Variants in UFD1 observed in about 807,000 individuals in gnomAD.
UFD1 encodes ubiquitin recognition factor in ER associated degradation 1, also known as ubiquitin recognition factor in ER-associated degradation protein 1.
UFD1 carries 13 observed loss-of-function variants against 45.9 expected under a neutral mutation model. The ratio of observed to expected loss-of-function variants is 0.28; its 90% CI spans 0.18 to 0.45. UFD1 has a LOEUF of 0.45. UFD1 is among the 20% of genes least tolerant of loss of function. The probability of loss-of-function intolerance (pLI) is 1.00; values close to 1 mark genes in which losing one functional copy is unlikely to be tolerated. For missense variants in UFD1, 218 were observed against 389.2 expected, an observed-to-expected ratio of 0.56 and a Z score of 3.70; for synonymous variants, 128 against 139.2, an observed-to-expected ratio of 0.92 and a Z score of 0.56.
chr22:19,458,113 G>C lies in UFD1; in HGVS notation c.522C>G (p.Thr174=). 1.9e-6 allele frequency: 3 copies of C among 1,614,090 alleles called. No individual in the cohort carries two copies. Among genetic ancestry groups the C allele is most frequent in the Non-Finnish European group, 2.5e-6 (3 of 1,179,982 alleles). ...TGATGGACACTGCCTTGTCGGGTTT[G>C]GTCTCCATCACACGCAGTTCGTAGA... is the stretch of plus-strand genomic sequence containing the variant. ...EKIYELRVME[T]KPDKAVSIIE... is the part of the protein sequence containing the mutation. Residue 174 remains threonine, a synonymous_variant, in exon 7 of 12, where the codon ACC becomes ACG. Transcript: ENST00000263202.
intron 2 of UFD1, 66 bp from the exon 3 acceptor site, chr22:19,475,166 G>T: frequency 6.7e-7 from 1 of 1,500,412 alleles, no homozygotes; most frequent in Non-Finnish European, 9.0e-7. Flanking sequence ...AAGGCAAGAT[G>T]CAGTTTCTTT....
chr22:19,460,000 G>A (rs1272413481), intron 6 of UFD1, among the ~76,000 whole-genome samples: 1 of 151,810 alleles, frequency 6.6e-6, no homozygotes, highest in African/African-American at 2.4e-5. Context: ...GCCTCCCAAA[G>A]TGCTGGGATT....
At chr22:19,453,093 T>C (rs762298893) in intron 11 of UFD1, 9 of 985,330 alleles carry the variant, frequency 9.1e-6, no homozygotes, top group Non-Finnish European at 1.1e-5. Context: ...TCAGAGATAG[T>C]AGTCTAGAGA....
At chr22:19,457,269 C>T (rs2089730084) in intron 7 of UFD1, among the ~76,000 whole-genome samples, 1 of 152,162 alleles carries the variant, frequency 6.6e-6, no homozygotes, top group African/African-American at 2.4e-5. Context: ...TAGGACTGCC[C>T]ATGTTGTCTT....
At chr22:19,460,755 CTTTTTTT>C (rs544754175) in intron 6 of UFD1, among the ~76,000 whole-genome samples, 4 of 133,652 alleles carry the variant, frequency 3.0e-5, no homozygotes, top group Non-Finnish European at 6.5e-5. Context: ...AACCACCATT[CTTTTTTT>C]TTTTTTTTTT....
At chr22:19,456,228 T>C (rs374273952) in intron 9 of UFD1, among the ~76,000 whole-genome samples, 1 of 152,108 alleles carries the variant, frequency 6.6e-6, no homozygotes, top group East Asian at 1.9e-4. Context: ...GTTTGCAACC[T>C]ACATGGTACA....
At chr22:19,471,635 G>C in intron 4 of UFD1, 52 bp downstream of exon 4, 1 of 1,597,858 alleles carries the variant, frequency 6.3e-7, no homozygotes, top group Non-Finnish European at 8.5e-7. Flanking sequence ...GAGTGCAGGA[G>C]ATGTCTCTGC....
chr22:19,455,457 G>A (rs1271692168), intron 10 of UFD1, among the ~76,000 whole-genome samples: 2 of 152,150 alleles, frequency 1.3e-5, no homozygotes, highest in Non-Finnish European at 2.9e-5. Context: ...TGGGGGTATG[G>A]AGAGGTATGG....
chr22:19,464,946 G>A (rs926120999), intron 6 of UFD1, among the ~76,000 whole-genome samples: 1 of 152,228 alleles, frequency 6.6e-6, no homozygotes, highest in African/African-American at 2.4e-5. Flanking sequence ...CAGCAGCCTT[G>A]CCACCAAGGT....
intron 11 of UFD1, chr22:19,451,339 T>A: frequency 1.0e-6 from 1 of 985,508 alleles, no homozygotes; most frequent in Non-Finnish European, 1.2e-6. Context: ...GACATTGTTG[T>A]GGTAAGCAGC....
In UFD1 at chr22:19,449,948, G is replaced by C. The variant is rs1008117181; in HGVS notation, c.*722C>G. 3 of 152,168 alleles carry C rather than the reference G, an allele frequency of 2.0e-5. No homozygotes were observed. Among genetic ancestry groups the C allele is most frequent in the Admixed American group, 1.3e-4 (2 of 15,278 alleles). 9.4% of individuals were successfully genotyped at this position (152,168 alleles called of 1,614,324 possible). ...ATTTAATAAATTAAAATTGGGAGTTGGGGAGTAGGGAAGAAGGAGAGGAAC... is the reference window on the plus strand; with the variant it reads ...ATTTAATAAATTAAAATTGGGAGTTCGGGAGTAGGGAAGAAGGAGAGGAAC... On this transcript the variant is annotated 3_prime_UTR_variant, in exon 12 of 12. Transcript: ENST00000263202.
At chr22:19,456,108 T>C (rs888907686) in intron 9 of UFD1, among the ~76,000 whole-genome samples, 2 of 152,312 alleles carry the variant, frequency 1.3e-5, no homozygotes, top group East Asian at 3.9e-4. Flanking sequence ...CTTCCCATCA[T>C]TCTGCCCTCT....
chr22:19,477,374 A>G (rs769393999), intron 1 of UFD1, among the ~76,000 whole-genome samples: 2 of 152,240 alleles, frequency 1.3e-5, no homozygotes, highest in Non-Finnish European at 2.9e-5. Context: ...TTTTAAAAGG[A>G]AAGAAATCCT....
chr22:19,461,878 C>T (rs1569328598), intron 6 of UFD1, among the ~76,000 whole-genome samples: 2 of 151,644 alleles, frequency 1.3e-5, no homozygotes, highest in Non-Finnish European at 2.9e-5. Context: ...TTATCAATGT[C>T]AAATAAGTTG....
intron 5 of UFD1, chr22:19,467,603 C>G (rs1487315837): frequency 2.6e-6 from 1 of 380,264 alleles, no homozygotes; most frequent in African/African-American, 2.1e-5. Flanking sequence ...TGGCTTTGTG[C>G]CAGGTGACAC....
intron 4 of UFD1, among the ~76,000 whole-genome samples, chr22:19,468,938 G>A (rs999686861): frequency 1.3e-5 from 2 of 152,218 alleles, no homozygotes; most frequent in African/African-American, 4.8e-5. Context: ...TCACAAATGA[G>A]AGGGAGCTCA....
intron 11 of UFD1, chr22:19,453,103 A>C: frequency 1.0e-6 from 1 of 985,382 alleles, no homozygotes; most frequent in Non-Finnish European, 1.2e-6. Context: ...TAGTCTAGAG[A>C]CCTACTGGAG....
intron 11 of UFD1, chr22:19,452,922 T>TG: frequency 2.5e-6 from 1 of 401,534 alleles, no homozygotes; most frequent in African/African-American, 2.2e-5. Context: ...TTCATTTTGC[T>TG]GGAACTCAGT....
At chr22:19,456,830 A>G (rs2089727262) in intron 8 of UFD1, 23 bp downstream of exon 8, 1 of 1,614,030 alleles carries the variant, frequency 6.2e-7, no homozygotes, top group Non-Finnish European at 8.5e-7. Context: ...AGGACAGCAA[A>G]GGACACTGAG....
Sources: gnomAD v4.1 joint callset for allele counts (sites outside exome capture counted in the v4.1 genomes callset) on GRCh38, gnomAD v4.1.1 for gene constraint, MANE v1.5 for transcripts, NCBI Gene and HGNC (gene_info 2026-07-23, HGNC 2026-07-21) for gene names.